Variants in RPH3A observed in about 807,000 individuals in gnomAD.
RPH3A encodes the protein rabphilin 3A, also known as rabphilin-3A.
In RPH3A, 48 loss-of-function variants were observed where a neutral mutation model predicts 102.2. The ratio of observed to expected loss-of-function variants is 0.47; its 90% CI spans 0.37 to 0.60. The LOEUF (loss-of-function observed/expected upper bound fraction) is 0.60, where lower values mean the gene tolerates loss of function less well. Ranked by LOEUF, RPH3A falls within the 20% of genes least tolerant of loss-of-function variation. RPH3A has a pLI of 0.00. For missense variants in RPH3A, 781 were observed against 910.1 expected (o/e 0.86, Z 1.83); for synonymous variants, 310 against 324.3 (o/e 0.96, Z 0.47).
intron 1 of RPH3A, among the ~76,000 whole-genome samples, chr12:112,774,855 G>A (rs576096459): frequency 6.6e-6 from 1 of 152,154 alleles, no homozygotes; most frequent in Non-Finnish European, 1.5e-5. Flanking sequence ...AAAATTGCAT[G>A]CTGGGCTTAA....
intron 14 of RPH3A, 138 bp downstream of exon 14, chr12:112,879,336 C>G: frequency 2.6e-6 from 2 of 783,968 alleles, no homozygotes; most frequent in Non-Finnish European, 4.0e-6. Flanking sequence ...AGAAGAGTCA[C>G]AGTAATTAGG....
At chr12:112,788,691 AGCT>A (rs1393152925), upstream of RPH3A, among the ~76,000 whole-genome samples, 7 of 152,170 alleles carry the variant, frequency 4.6e-5, no homozygotes, top group South Asian at 4.1e-4. Flanking sequence ...CCTAAGGGAG[AGCT>A]GAATTCATGA....
chr12:112,726,956 G>C (rs1443647130), intron 1 of RPH3A, among the ~76,000 whole-genome samples: 1 of 152,162 alleles, frequency 6.6e-6, no homozygotes, highest in Non-Finnish European at 1.5e-5. Context: ...CCGGGAGGCA[G>C]AGGTTGCAGT....
At chr12:112,795,652 G>A (rs749050764) in intron 2 of RPH3A, among the ~76,000 whole-genome samples, 1 of 152,088 alleles carries the variant, frequency 6.6e-6, no homozygotes, top group Non-Finnish European at 1.5e-5. Context: ...TCTTCAATTA[G>A]GTGTATTAGG....
intron 1 of RPH3A, among the ~76,000 whole-genome samples, chr12:112,700,458 C>T (rs2040385604): frequency 6.6e-6 from 1 of 152,208 alleles, no homozygotes; most frequent in African/African-American, 2.4e-5. Flanking sequence ...GAAACTCCTC[C>T]TATTCTCATG....
upstream of RPH3A, among the ~76,000 whole-genome samples, chr12:112,790,115 G>A (rs899991562): frequency 2.6e-5 from 4 of 151,608 alleles, no homozygotes; most frequent in Non-Finnish European, 4.4e-5. Flanking sequence ...GGAGTGTAAT[G>A]GTGCAACCTC....
At chr12:112,752,968 C>CTTTTTTTTTTTTTTTTT (rs3037266) in intron 1 of RPH3A, among the ~76,000 whole-genome samples, 1 of 118,936 alleles carries the variant, frequency 8.4e-6, no homozygotes, top group Non-Finnish European at 1.7e-5. Flanking sequence ...GTCCAGTTTT[C>CTTTTTTTTTTTTTTTTT]TTTTTTTTTT....
At chr12:112,735,080 G>A (rs1277618168) in intron 1 of RPH3A, among the ~76,000 whole-genome samples, 1 of 152,180 alleles carries the variant, frequency 6.6e-6, no homozygotes, top group Non-Finnish European at 1.5e-5. Flanking sequence ...GAACACCTCT[G>A]ACACAAGCTC....
At chr12:112,872,311 G>A (rs945483642) in intron 10 of RPH3A, among the ~76,000 whole-genome samples, 1 of 152,116 alleles carries the variant, frequency 6.6e-6, no homozygotes, top group Admixed American at 6.5e-5. Context: ...GTGATACTGA[G>A]CATCTTTTCT....
intron 7 of RPH3A, among the ~76,000 whole-genome samples, chr12:112,867,759 A>G (rs1172562171): frequency 6.6e-6 from 1 of 152,222 alleles, no homozygotes; most frequent in East Asian, 1.9e-4. Flanking sequence ...CCTCTTTGCT[A>G]CAAACTCTTT....
intron 5 of RPH3A, 98 bp downstream of exon 5, chr12:112,847,940 T>G: frequency 7.1e-7 from 1 of 1,398,902 alleles, no homozygotes. Context: ...TGTGCTGGGC[T>G]GCCTCTGGGC....
At chr12:112,776,521 TG>T (rs1450788016) in intron 1 of RPH3A, among the ~76,000 whole-genome samples, 3 of 151,948 alleles carry the variant, frequency 2.0e-5, no homozygotes, top group Admixed American at 6.6e-5. Flanking sequence ...CAGGCTAGCT[TG>T]GATTTATTGT....
rs1197052026 is a variant in RPH3A at position 112,730,889 on chromosome 12, G to C, written c.-139-61254G>C. Reference sequence around the variant, plus strand: ...GAGGCCAGCCCTGGCCATTGTTCCAGGGCTGGCTTATAGGGCACACTGGGG... The same window carrying C: ...GAGGCCAGCCCTGGCCATTGTTCCACGGCTGGCTTATAGGGCACACTGGGG... On this transcript the variant is annotated intron_variant, in intron 1 of 21. Transcript: ENST00000543106. 3.3e-5 allele frequency among the ~76,000 whole-genome samples: 5 copies of C among 152,282 alleles called. No homozygotes were observed. In the East Asian group the frequency reaches 7.7e-4, roughly 24 times the overall value.
chr12:112,767,836 T>A (rs2040901182), intron 1 of RPH3A, among the ~76,000 whole-genome samples: 2 of 152,088 alleles, frequency 1.3e-5, no homozygotes, highest in South Asian at 2.1e-4. Context: ...TTAAAAAAAA[T>A]CATGCTAAGT....
At chr12:112,637,295 C>T (rs2039855640) in intron 1 of RPH3A, among the ~76,000 whole-genome samples, 1 of 152,144 alleles carries the variant, frequency 6.6e-6, no homozygotes, top group African/African-American at 2.4e-5. Context: ...TTCCTATGGG[C>T]AATGCCAAAC....
intron 1 of RPH3A, among the ~76,000 whole-genome samples, chr12:112,590,603 T>C (rs2039470050): frequency 6.6e-6 from 1 of 152,204 alleles, no homozygotes; most frequent in Non-Finnish European, 1.5e-5. Context: ...GTTTTAGAGA[T>C]GAAACAGAGC....
rs35742758 is a variant in RPH3A, at chr12:112,752,594, C to CTT, written c.-139-39533_-139-39532dup. On this transcript the variant is annotated intron_variant, in intron 1 of 21. Transcript: ENST00000543106. ...TATTACGTTATATGAGCAGGCAAGT[C>CTT]TTTTTTTTTTTTTTTTTGAGAAGGC... Among the ~76,000 whole-genome samples the CTT allele has an allele frequency of 2.4e-5, 3 of 124,946 alleles. No homozygotes were observed. In the South Asian group the frequency reaches 8.0e-4, roughly 33 times the overall value. 82.0% of individuals were successfully genotyped at this position (124,946 alleles called of 152,430 possible).
At chr12:112,791,202 A>T (rs944702699), upstream of RPH3A, 1 of 152,108 alleles carries the variant, frequency 6.6e-6, no homozygotes, top group African/African-American at 2.4e-5. Flanking sequence ...ATCTGCAGCA[A>T]TGGGGGTGAG....
At chr12:112,858,288 A>T (rs1199295150) in intron 5 of RPH3A, among the ~76,000 whole-genome samples, 2 of 149,142 alleles carry the variant, frequency 1.3e-5, no homozygotes, top group Non-Finnish European at 3.0e-5. Context: ...AAAAAAAAAA[A>T]AAAAAAGAAA....
Sources: gnomAD v4.1 joint callset for allele counts (sites outside exome capture counted in the v4.1 genomes callset) on GRCh38, gnomAD v4.1.1 for gene constraint, MANE v1.5 for transcripts, NCBI Gene and HGNC (gene_info 2026-07-23, HGNC 2026-07-21) for gene names.